FMR1: variants seen among roughly 807,000 people sequenced by gnomAD.
FMR1 encodes FMRP translational regulator 1.
In FMR1, 13 loss-of-function variants were observed where a neutral mutation model predicts 50.6. The ratio of observed to expected loss-of-function variants is 0.26; its 90% CI spans 0.17 to 0.41. The LOEUF is 0.41. Ranked by LOEUF, FMR1 falls within the 10% of genes least tolerant of loss-of-function variation. FMR1 has a pLI of 1.00. For synonymous variants in FMR1, 138 were observed against 164.1 expected (o/e 0.84, Z 1.22); for missense variants, 316 against 491.3 (o/e 0.64, Z 3.37).
intron 7 of FMR1, 118 bp downstream of exon 7, chrX:147,930,362 G>A: frequency 1.8e-6 from 1 of 553,454 alleles, no homozygotes. Context: ...CAATTCCTTA[G>A]GTTCTATAGT....
chrX:147,935,138 A>C (rs782433104), intron 9 of FMR1, among the ~76,000 whole-genome samples: 1 of 112,191 alleles, frequency 8.9e-6, no homozygotes, highest in South Asian at 3.7e-4. Context: ...GCAGTTTAAA[A>C]TCAAACTGTG....
chrX:147,943,490 G>T (rs1034683771), intron 14 of FMR1, 164 bp downstream of exon 14: 10 of 483,143 alleles, frequency 2.1e-5, no homozygotes, highest in African/African-American at 7.2e-5. Context: ...AAAACCTGAT[G>T]ATAAACACGT....
chrX:147,918,494 TTCTGACAC>T (rs1557175714), intron 1 of FMR1, among the ~76,000 whole-genome samples: 1 of 105,304 alleles, frequency 9.5e-6, no homozygotes, highest in Middle Eastern at 4.4e-3. Flanking sequence ...CTCAAACCAT[TTCTGACAC>T]TCTGACACTA....
chrX:147,933,646 A>C, intron 9 of FMR1: 3 of 832,013 alleles, frequency 3.6e-6, no homozygotes, highest in Middle Eastern at 5.8e-4. Context: ...CAAGAAAGCT[A>C]CATATGTTTT....
At chrX:147,928,477 T>C in intron 4 of FMR1, 84 bp downstream of exon 4, 2 of 832,328 alleles carry the variant, frequency 2.4e-6, no homozygotes, top group South Asian at 2.2e-5. Flanking sequence ...TGGATTTCTA[T>C]TTTGAAGTAA....
intron 16 of FMR1, chrX:147,947,412 CAAA>C (rs369505010): frequency 1.1e-4 from 4 of 36,116 alleles, no homozygotes; most frequent in Non-Finnish European, 1.0e-4. Flanking sequence ...AACACCATCT[CAAA>C]AAAAAAAAAA....
intron 9 of FMR1, chrX:147,933,448 C>T: frequency 1.0e-6 from 1 of 993,835 alleles, no homozygotes; most frequent in Non-Finnish European, 1.3e-6. Flanking sequence ...AGTTCCAAAG[C>T]TAGAAGAAAC....
rs782627084 is a variant in FMR1, at chrX:147,950,736, C to T, written c.*1892C>T. On this transcript the variant is annotated 3_prime_UTR_variant, in exon 17 of 17. Transcript: ENST00000370475. ...GTTCTGTTACAAAATGTAACTGTTA[C>T]CATTGGAAATTTCACGTCATAGGAA... 9.3e-6 allele frequency: 3 copies of T among 322,617 alleles called. No individual in the cohort carries two copies. Among genetic ancestry groups the T allele is most frequent in the Non-Finnish European group, 1.8e-5 (3 of 167,492 alleles). The allele number at this position is 322,617 out of a possible 1,213,427, so 26.6% of individuals were successfully genotyped here.
At chrX:147,925,777 CATCTT>C (rs1361636135) in intron 3 of FMR1, 144 bp downstream of exon 3, 4 of 492,823 alleles carry the variant, frequency 8.1e-6, no homozygotes, top group African/African-American at 4.8e-5. Context: ...TTGACTAACT[CATCTT>C]ATTAATAATT....
At position 147,932,358 on chromosome X, in the gene FMR1, G is replaced by A. The variant is rs1345338501; in HGVS notation, c.631-67G>A. 26 of 1,013,706 alleles carry A rather than the reference G, an allele frequency of 2.6e-5. No homozygotes were observed. In the East Asian group the frequency reaches 7.6e-4, roughly 30 times the overall value. 83.5% of individuals were successfully genotyped at this position (1,013,706 alleles called of 1,213,427 possible). ...ATACAGGGTCAAGATAATTTACATG[G>A]CTGGCCTAAATACAGTTGTCGTAAT... On this transcript the variant is annotated intron_variant, in intron 7 of 16. Transcript: ENST00000370475.
At chrX:147,937,264 G>A (rs2043821121) in intron 10 of FMR1, among the ~76,000 whole-genome samples, 1 of 111,561 alleles carries the variant, frequency 9.0e-6, no homozygotes, top group South Asian at 3.7e-4. Context: ...ATATTGTCTA[G>A]CTTTCTTTTT....
intron 1 of FMR1, among the ~76,000 whole-genome samples, chrX:147,917,093 C>G (rs963902174): frequency 3.6e-5 from 4 of 111,950 alleles, no homozygotes; most frequent in Non-Finnish European, 7.5e-5. Context: ...ATTATCATAG[C>G]ACTACATGTT....
chrX:147,935,312 A>C (rs2043753294), intron 9 of FMR1, among the ~76,000 whole-genome samples: 2 of 112,191 alleles, frequency 1.8e-5, no homozygotes, highest in Non-Finnish European at 3.8e-5. Context: ...GCAGCCACAC[A>C]CAGCAAGAAT....
chrX:147,935,266 C>G (rs1373602700), intron 9 of FMR1, among the ~76,000 whole-genome samples: 1 of 111,885 alleles, frequency 8.9e-6, no homozygotes, highest in Non-Finnish European at 1.9e-5. Context: ...CAGATCTGTT[C>G]TATGACCAGT....
chrX:147,949,562 A>G lies in FMR1; in HGVS notation c.*718A>G, dbSNP rs2044272672. 1 of 327,807 alleles carries G rather than the reference A, an allele frequency of 3.1e-6. No homozygotes were observed. Among genetic ancestry groups the G allele is most frequent in the Non-Finnish European group, 5.9e-6 (1 of 169,666 alleles). The allele number at this position is 327,807 out of a possible 1,213,427, so 27.0% of individuals were successfully genotyped here. On this transcript the variant is annotated 3_prime_UTR_variant, in exon 17 of 17. Transcript: ENST00000370475. ...TCCTTACATAAACATCAGGTTAGGC[A>G]GTATAAAGAATAGGACTTGTTTTTG...
intron 8 of FMR1, 32 bp from the exon 9 acceptor site, chrX:147,932,653 C>G: frequency 4.2e-6 from 5 of 1,198,904 alleles, no homozygotes; most frequent in Non-Finnish European, 5.7e-6. Context: ...GCTGGCTAAT[C>G]TTTTGTCTTA....
At chrX:147,944,780 C>A in intron 14 of FMR1, 89 bp from the exon 15 acceptor site, 1 of 1,142,430 alleles carries the variant, frequency 8.8e-7, no homozygotes, top group Non-Finnish European at 1.2e-6. Context: ...TTTTGGATTA[C>A]CCCTGAAACG....
intron 1 of FMR1, among the ~76,000 whole-genome samples, chrX:147,916,862 C>T (rs189411555): frequency 3.2e-4 from 36 of 111,535 alleles, no homozygotes; most frequent in African/African-American, 1.1e-3. Flanking sequence ...TTCAGCCTTC[C>T]GGGTAGCTGA....
intron 2 of FMR1, chrX:147,924,912 C>T (rs1222699517): frequency 9.0e-6 from 1 of 111,608 alleles, no homozygotes; most frequent in African/African-American, 3.3e-5. Context: ...AACTTAAACT[C>T]CTATAGGCTG....
Sources: gnomAD v4.1 joint callset for allele counts (sites outside exome capture counted in the v4.1 genomes callset) on GRCh38, gnomAD v4.1.1 for gene constraint, MANE v1.5 for transcripts, NCBI Gene and HGNC (gene_info 2026-07-23, HGNC 2026-07-21) for gene names.